Variants in UNC5D observed in about 807,000 individuals in gnomAD.
UNC5D encodes the protein netrin receptor UNC5D.
In UNC5D, 39 loss-of-function variants were observed where a neutral mutation model predicts 105.4. The ratio of observed to expected loss-of-function variants is 0.37; its 90% CI spans 0.29 to 0.48. The LOEUF (loss-of-function observed/expected upper bound fraction) is 0.48, where lower values mean the gene tolerates loss of function less well. UNC5D is among the 20% of genes least tolerant of loss of function. The pLI is 0.98. For missense variants in UNC5D, 991 were observed against 1,202.4 expected (o/e 0.82, Z 2.60); for synonymous variants, 452 against 450.4 (o/e 1.00, Z -0.04).
chr8:35,730,385 C>A (rs148772751), intron 10 of UNC5D, among the ~76,000 whole-genome samples: 1 of 152,268 alleles, frequency 6.6e-6, no homozygotes, highest in African/African-American at 2.4e-5. Context: ...GTTAAGTAAC[C>A]TTTCGCCTTA....
At chr8:35,784,534 G>A (rs1802652466) in intron 16 of UNC5D, among the ~76,000 whole-genome samples, 1 of 152,122 alleles carries the variant, frequency 6.6e-6, no homozygotes, top group Non-Finnish European at 1.5e-5. Context: ...GATTACTGGA[G>A]GCCAGGAGTT....
intron 2 of UNC5D, among the ~76,000 whole-genome samples, chr8:35,559,077 G>A (rs1816751816): frequency 6.6e-6 from 1 of 152,132 alleles, no homozygotes; most frequent in South Asian, 2.1e-4. Context: ...TACTCATGAA[G>A]TTGTACTGGA....
chr8:35,529,357 G>T (rs1311796515), intron 1 of UNC5D, among the ~76,000 whole-genome samples: 418 of 136,970 alleles, frequency 3.1e-3, no homozygotes, highest in Non-Finnish European at 3.9e-3. Flanking sequence ...TCAGATAGTT[G>T]TAGATATGCG....
intron 16 of UNC5D, among the ~76,000 whole-genome samples, chr8:35,775,981 A>G (rs1326507230): frequency 1.3e-5 from 2 of 152,238 alleles, no homozygotes; most frequent in Non-Finnish European, 2.9e-5. Flanking sequence ...ATTAGATTGA[A>G]TATTTCCCAG....
At chr8:35,434,099 C>T (rs564764678) in intron 1 of UNC5D, among the ~76,000 whole-genome samples, 1 of 151,924 alleles carries the variant, frequency 6.6e-6, no homozygotes, top group East Asian at 1.9e-4. Context: ...TGATATAAAG[C>T]ACTAAAATCT....
chr8:35,771,531 C>T lies in UNC5D; in HGVS notation c.2479-2768C>T, dbSNP rs117330748. On this transcript the variant is annotated intron_variant, in intron 15 of 16. Transcript: ENST00000404895. ...TAGAGACTAGAAGAAATTTTACAAA[C>T]CATGATAAAAATGATGTATCTTGTA... 5.7e-3 allele frequency among the ~76,000 whole-genome samples: 865 copies of T among 152,256 alleles called. 3 individuals are homozygous for T. Among genetic ancestry groups the T allele is most frequent in the Non-Finnish European group, 6.3e-3 (427 of 68,018 alleles).
intron 1 of UNC5D, among the ~76,000 whole-genome samples, chr8:35,414,200 G>A (rs1241023024): frequency 6.6e-6 from 1 of 152,082 alleles, no homozygotes; most frequent in Non-Finnish European, 1.5e-5. Flanking sequence ...AGACCCAAGA[G>A]CATATGACCA....
chr8:35,759,783 G>A (rs1427855555), intron 14 of UNC5D, among the ~76,000 whole-genome samples: 6 of 152,132 alleles, frequency 3.9e-5, no homozygotes. Context: ...AGGTTTGTGA[G>A]TTGGTTTGTT....
intron 1 of UNC5D, among the ~76,000 whole-genome samples, chr8:35,512,189 G>C (rs1300601161): frequency 1.3e-5 from 2 of 151,776 alleles, no homozygotes; most frequent in African/African-American, 4.8e-5. Context: ...AAGTTCAAAA[G>C]TTTACTTTTC....
At chr8:35,240,064 T>G (rs372934895) in intron 1 of UNC5D, among the ~76,000 whole-genome samples, 1 of 152,054 alleles carries the variant, frequency 6.6e-6, no homozygotes, top group East Asian at 1.9e-4. Context: ...GCCTCTTGAG[T>G]AGCTGGGACT....
chr8:35,529,436 G>T (rs1390660746), intron 1 of UNC5D, among the ~76,000 whole-genome samples: 2 of 149,866 alleles, frequency 1.3e-5, no homozygotes, highest in Non-Finnish European at 3.0e-5. Context: ...GTACTATGCT[G>T]TTTTGGTTAC....
intron 3 of UNC5D, among the ~76,000 whole-genome samples, chr8:35,594,972 G>C (rs545510936): frequency 6.6e-6 from 1 of 152,334 alleles, no homozygotes; most frequent in Admixed American, 6.5e-5. Flanking sequence ...ACTGGAGGGC[G>C]TTGTGTTTTG....
At chr8:35,761,333 T>TA (rs112596661) in intron 14 of UNC5D, among the ~76,000 whole-genome samples, 4,705 of 152,174 alleles carry the variant, frequency 0.031, 261 homozygotes, top group African/African-American at 0.11. Flanking sequence ...TGCTTGGAGA[T>TA]AAAAAATCAG....
chr8:35,528,038 G>GT (rs1814011721), intron 1 of UNC5D, among the ~76,000 whole-genome samples: 2 of 125,452 alleles, frequency 1.6e-5, no homozygotes, highest in East Asian at 2.2e-4. Context: ...AGAAACAGCT[G>GT]GTTTTTTTTT....
intron 1 of UNC5D, among the ~76,000 whole-genome samples, chr8:35,359,640 C>T (rs1313099998): frequency 6.6e-6 from 1 of 152,082 alleles, no homozygotes. Flanking sequence ...CTTTGAATAC[C>T]TGTATTACGT....
chr8:35,290,276 A>C (rs975392142), intron 1 of UNC5D, among the ~76,000 whole-genome samples: 1 of 152,232 alleles, frequency 6.6e-6, no homozygotes, highest in Non-Finnish European at 1.5e-5. Context: ...ATGGATAAAG[A>C]AAAGATGGTG....
intron 1 of UNC5D, among the ~76,000 whole-genome samples, chr8:35,480,299 A>G (rs541778190): frequency 6.6e-6 from 1 of 152,330 alleles, no homozygotes; most frequent in Admixed American, 6.5e-5. Flanking sequence ...TACATAAATG[A>G]AAAGTCTGCT....
chr8:35,434,181 A>T (rs528722404), intron 1 of UNC5D, among the ~76,000 whole-genome samples: 2 of 152,282 alleles, frequency 1.3e-5, no homozygotes, highest in South Asian at 4.1e-4. Flanking sequence ...TTGGCTCAAA[A>T]TTGACAGTAA....
intron 1 of UNC5D, among the ~76,000 whole-genome samples, chr8:35,411,862 A>G (rs776700816): frequency 5.3e-5 from 8 of 152,008 alleles, no homozygotes; most frequent in African/African-American, 7.2e-5. Context: ...AAAGTGTTCA[A>G]TATGTGTTCC....
Sources: allele counts gnomAD v4.1 joint callset (sites outside exome capture counted in the v4.1 genomes callset), GRCh38; gene constraint gnomAD v4.1.1; transcripts MANE v1.5; gene names NCBI Gene and HGNC (gene_info 2026-07-23, HGNC 2026-07-21).